Variants in SLC25A23 observed in about 807,000 individuals in gnomAD.
The protein encoded by SLC25A23 is solute carrier family 25 member 23, also known as mitochondrial adenyl nucleotide antiporter SLC25A23.
SLC25A23 carries 32 observed loss-of-function variants against 53.9 expected under a neutral mutation model. The observed-to-expected ratio is 0.59, with a 90% CI of 0.45 to 0.80. SLC25A23 has a LOEUF of 0.80. SLC25A23 is among the 30% of genes least tolerant of loss of function. The pLI is 0.00. For missense variants in SLC25A23, 575 were observed against 651.4 expected (o/e 0.88, Z 1.28); for synonymous variants, 275 against 264.5 (o/e 1.04, Z -0.38).
Position 6,454,979 on chromosome 19 carries a change from A to C in SLC25A23, c.484-262T>G, listed in dbSNP as rs1169138191. On this transcript the variant is annotated intron_variant, in intron 4 of 9. Coordinates refer to ENST00000301454, the MANE Select transcript of SLC25A23 (RefSeq NM_024103.3). The surrounding 1 kb of genome is among the most constrained non-coding windows in gnomAD (Gnocchi z 4.3). Reference sequence around the variant, plus strand: ...CAAATCCCACTAAAGGATCCTATTCAAGTATCTGCCACATAAAGATCCCTC... The same window carrying C: ...CAAATCCCACTAAAGGATCCTATTCCAGTATCTGCCACATAAAGATCCCTC... 6.6e-6 allele frequency among the ~76,000 whole-genome samples: 1 copy of C among 152,172 alleles called. No individual in the cohort carries two copies. The highest frequency in any genetic ancestry group is 1.5e-5 in the Non-Finnish European group (1 of 68,034).
chr19:6,445,995 T>C (rs762211800), intron 8 of SLC25A23, among the ~76,000 whole-genome samples: 9 of 152,102 alleles, frequency 5.9e-5, no homozygotes, highest in Non-Finnish European at 1.0e-4. Context: ...GAGGATTGCT[T>C]GAACCCAGGA....
At chr19:6,447,522 C>T (rs187173025) in intron 8 of SLC25A23, among the ~76,000 whole-genome samples, 6 of 152,200 alleles carry the variant, frequency 3.9e-5, no homozygotes, top group African/African-American at 1.4e-4. Flanking sequence ...CTCACCCTGT[C>T]GCCTGGGTTG....
chr19:6,452,871 C>T (rs962757051), intron 7 of SLC25A23, among the ~76,000 whole-genome samples: 45 of 152,296 alleles, frequency 3.0e-4, no homozygotes, highest in Admixed American at 7.2e-4. Flanking sequence ...ATCTTGTTCC[C>T]TTCTGCTTTC....
chr19:6,455,892 T>A (rs540236191), intron 4 of SLC25A23: 63 of 602,568 alleles, frequency 1.0e-4, no homozygotes, highest in African/African-American at 2.9e-4. Flanking sequence ...CTCATTTTTT[T>A]AATATTTTTG....
chr19:6,455,154 C>A (rs538176435), intron 4 of SLC25A23, among the ~76,000 whole-genome samples: 13 of 152,206 alleles, frequency 8.5e-5, no homozygotes, highest in Admixed American at 7.2e-4. Context: ...TGCCTGTAGT[C>A]CCAGCTACTC....
chr19:6,444,522 C>T (rs1259809191), intron 8 of SLC25A23, among the ~76,000 whole-genome samples: 1 of 152,132 alleles, frequency 6.6e-6, no homozygotes, highest in Non-Finnish European at 1.5e-5. Flanking sequence ...TGACTATGCC[C>T]TAATCTCTGG....
intron 4 of SLC25A23, chr19:6,455,980 A>T (rs1278542164): frequency 2.3e-6 from 3 of 1,285,052 alleles, no homozygotes; most frequent in Non-Finnish European, 3.0e-6. Context: ...CGGCCTCCCA[A>T]AGTGCTGGGA....
chr19:6,448,072 T>C (rs893872432), intron 8 of SLC25A23, among the ~76,000 whole-genome samples: 3 of 152,208 alleles, frequency 2.0e-5, no homozygotes, highest in Non-Finnish European at 4.4e-5. Flanking sequence ...TGTATGTGAA[T>C]CTAGAACTGT....
intron 8 of SLC25A23, among the ~76,000 whole-genome samples, chr19:6,447,415 A>G (rs2092521932): frequency 1.3e-5 from 2 of 150,734 alleles, no homozygotes; most frequent in South Asian, 2.1e-4. Context: ...GATCCTCCCT[A>G]CTTCAACCTC....
chr19:6,453,509 G>A (rs895539266), intron 7 of SLC25A23, among the ~76,000 whole-genome samples: 2 of 152,074 alleles, frequency 1.3e-5, no homozygotes, highest in African/African-American at 4.8e-5. Context: ...CAAAGTGCTG[G>A]GATTACAGGC....
At position 6,458,335 on chromosome 19, in the gene SLC25A23, G is replaced by T. The variant is rs1183290162; in HGVS notation, c.157-11C>A. ...CTCAGAGGAGATACCCTGACAGAGG[G>T]AAAGGGGATAGAGGTGGCTCCAGGA... On this transcript the variant is annotated splice_polypyrimidine_tract_variant and intron_variant, in intron 1 of 9. Transcript: ENST00000301454. 3.1e-6 allele frequency: 5 copies of T among 1,611,610 alleles called. No homozygotes were observed. The South Asian group carries it at 5.5e-5, about 18-fold the overall frequency.
At chr19:6,442,183 C>A in intron 9 of SLC25A23, 24 bp from the exon 10 acceptor site, 2 of 1,461,856 alleles carry the variant, frequency 1.4e-6, no homozygotes, top group East Asian at 2.4e-5. Flanking sequence ...GGGGGGGCAC[C>A]AGGTAAGGCC....
At chr19:6,438,666 C>T (rs570540515), downstream of SLC25A23, 14 of 168,316 alleles carry the variant, frequency 8.3e-5, no homozygotes, top group South Asian at 1.1e-3. Context: ...CTGGCCAACA[C>T]GGGAATACCT....
Position 6,452,171 on chromosome 19 carries a change from G to A in SLC25A23, c.1071+141C>T. 3.3e-6 allele frequency: 4 copies of A among 1,196,406 alleles called. No homozygotes were observed. The Admixed American group carries it at 1.2e-4, about 35-fold the overall frequency. 74.1% of individuals were successfully genotyped at this position (1,196,406 alleles called of 1,614,324 possible). A position where few individuals can be genotyped will look rare whatever the true frequency, so the allele number is the denominator to read the frequency against. Reference sequence around the variant, plus strand: ...TGGAAGGGTTCCCCAGGATTCCCAGGGCCAAGGTGCTCCTCACCTCATAAC... The same window carrying A: ...TGGAAGGGTTCCCCAGGATTCCCAGAGCCAAGGTGCTCCTCACCTCATAAC... On this transcript the variant is annotated intron_variant, in intron 8 of 9. Coordinates refer to ENST00000301454, the MANE Select transcript of SLC25A23 (RefSeq NM_024103.3).
In SLC25A23 at chr19:6,456,546, G is replaced by C. The variant is rs1478123964; in HGVS notation, c.372-15C>G. ...CTCGGTCCATGCTGGGGGGAAGAAA[G>C]GGGGTGGAGGAGGACAGGTTCAGTG... On this transcript the variant is annotated splice_polypyrimidine_tract_variant and intron_variant, in intron 3 of 9. Transcript: ENST00000301454. The C allele has an allele frequency of 1.9e-6, 3 of 1,609,420 alleles. No homozygotes were observed. The highest frequency in any genetic ancestry group is 2.2e-5 in the South Asian group (2 of 90,948).
rs762565109 is a variant in SLC25A23, at chr19:6,459,641, G to C, written c.-13C>G. On this transcript the variant is annotated 5_prime_UTR_variant, in exon 1 of 10. Coordinates refer to ENST00000301454, the MANE Select transcript of SLC25A23 (RefSeq NM_024103.3). This position sits in a 1 kb window ranked among gnomAD's most constrained non-coding sequence, Gnocchi z 4.6. The stretch of plus-strand genomic sequence containing the variant: ...GGCTCCCCCGCATGGCGCCCGCCCG[G>C]GGGGGAGGGGAGGCCCGGCAGCGGC... 6.4e-6 allele frequency: 9 copies of C among 1,410,198 alleles called. No individual in the cohort carries two copies. Among genetic ancestry groups the C allele is most frequent in the Non-Finnish European group, 7.4e-6 (8 of 1,088,314 alleles). 87.4% of individuals were successfully genotyped at this position (1,410,198 alleles called of 1,614,324 possible).
chr19:6,456,589 C>T, intron 3 of SLC25A23, 58 bp from the exon 4 acceptor site: 1 of 1,406,390 alleles, frequency 7.1e-7, no homozygotes, highest in Non-Finnish European at 1.0e-6. Flanking sequence ...GTGGGCTAGG[C>T]TGGGGTGAAG....
chr19:6,436,318 G>A (rs1292845865), downstream of SLC25A23: 5 of 426,956 alleles, frequency 1.2e-5, no homozygotes, highest in Non-Finnish European at 2.4e-5. Flanking sequence ...ACAAAGCTTG[G>A]ACTATCCAGG....
intron 9 of SLC25A23, among the ~76,000 whole-genome samples, chr19:6,442,934 CT>C (rs1024821991): frequency 0.063 from 7,181 of 113,122 alleles, 416 homozygotes; most frequent in African/African-American, 0.17. Flanking sequence ...ATGCCCAGCC[CT>C]TTTTTTTTTT....
Sources: gnomAD v4.1 joint callset for allele counts (sites outside exome capture counted in the v4.1 genomes callset) on GRCh38, gnomAD v4.1.1 for gene constraint, Gnocchi (gnomAD v3.1) non-coding constraint, MANE v1.5 for transcripts, NCBI Gene and HGNC (gene_info 2026-07-23, HGNC 2026-07-21) for gene names.